The following EXOC6 variants were observed in gnomAD, a reference collection of about 807,000 sequenced individuals.
EXOC6 encodes SEC15-like 1.
A neutral mutation model predicts 112.5 loss-of-function variants in EXOC6; 60 were observed. The ratio of observed to expected loss-of-function variants is 0.53; its 90% CI spans 0.43 to 0.66. The LOEUF (loss-of-function observed/expected upper bound fraction) is 0.66, where lower values mean the gene tolerates loss of function less well. Among genes scored for constraint, EXOC6 ranks in the 30% least tolerant of loss-of-function variants. The pLI, the probability that EXOC6 is intolerant of heterozygous loss-of-function variation, is 0.00. For missense variants in EXOC6, 855 were observed against 957.1 expected (o/e 0.89, Z 1.41); for synonymous variants, 295 against 308.0 (o/e 0.96, Z 0.44).
At chr10:92,910,828 C>T (rs1485137426) in intron 6 of EXOC6, among the ~76,000 whole-genome samples, 1 of 151,900 alleles carries the variant, frequency 6.6e-6, no homozygotes, top group Non-Finnish European at 1.5e-5. Flanking sequence ...ACTCAGAAGG[C>T]TGAGGCAGGA....
chr10:92,887,547 C>G (rs1465074189), intron 1 of EXOC6, among the ~76,000 whole-genome samples: 1 of 151,176 alleles, frequency 6.6e-6, no homozygotes, highest in African/African-American at 2.4e-5. Flanking sequence ...TTACAGGCGC[C>G]CGCCACCACA....
intron 20 of EXOC6, among the ~76,000 whole-genome samples, chr10:93,049,613 G>T (rs932795748): frequency 1.3e-5 from 2 of 152,120 alleles, no homozygotes; most frequent in Admixed American, 6.6e-5. Context: ...TAGAGGCAGG[G>T]TCTTGCTCTG....
chr10:92,950,254 A>G (rs1853323026), intron 14 of EXOC6, among the ~76,000 whole-genome samples: 1 of 152,164 alleles, frequency 6.6e-6, no homozygotes, highest in South Asian at 2.1e-4. Flanking sequence ...ATAATTTTCA[A>G]TTAAAACTAT....
chr10:93,037,112 C>A (rs1023111474), intron 20 of EXOC6, among the ~76,000 whole-genome samples: 5 of 151,574 alleles, frequency 3.3e-5, no homozygotes, highest in Admixed American at 3.3e-4. Flanking sequence ...AAAATTAATT[C>A]ACATTTTTGC....
chr10:93,050,249 G>A (rs1463820131), intron 20 of EXOC6, among the ~76,000 whole-genome samples: 1 of 152,106 alleles, frequency 6.6e-6, no homozygotes, highest in Non-Finnish European at 1.5e-5. Context: ...ATAATCACTA[G>A]AACTAAAAGA....
intron 8 of EXOC6, among the ~76,000 whole-genome samples, chr10:92,925,451 C>T (rs868039981): frequency 3.9e-5 from 6 of 151,982 alleles, no homozygotes; most frequent in African/African-American, 1.5e-4. Context: ...TGTGCTACCA[C>T]ATATGGCTAA....
At chr10:92,898,145 A>G (rs1772064673) in intron 4 of EXOC6, among the ~76,000 whole-genome samples, 1 of 151,998 alleles carries the variant, frequency 6.6e-6, no homozygotes, top group Admixed American at 6.6e-5. Context: ...TAGCTTGGGC[A>G]TGGTGACTCA....
chr10:92,976,406 G>C (rs1341408873), intron 18 of EXOC6, among the ~76,000 whole-genome samples: 3 of 152,048 alleles, frequency 2.0e-5, no homozygotes, highest in African/African-American at 7.3e-5. Flanking sequence ...TGTCCACTCA[G>C]GGTTGAATGG....
rs1394988114 is a variant in EXOC6, at chr10:92,909,631, G to A, written c.663G>A (p.Gln221=). ...AAATAGGTGAAACAGCAATGAAACA[G>A]GTGAGATTAAAAATAATTTTGATTT... ...SDKIGETAMK[Q]AQHQKTFSVS... is the part of the protein sequence containing the mutation. Residue 221 remains glutamine (Q), a splice_region_variant and synonymous_variant, in exon 6 of 22, where the codon CAG becomes CAA. Transcript: ENST00000260762. The A allele has an allele frequency of 3.2e-6, 5 of 1,575,358 alleles. No individual in the cohort carries two copies. Among genetic ancestry groups the A allele is most frequent in the African/African-American group, 1.4e-5 (1 of 73,602 alleles).
At chr10:92,959,185 C>T (rs1853854643) in intron 17 of EXOC6, among the ~76,000 whole-genome samples, 1 of 152,094 alleles carries the variant, frequency 6.6e-6, no homozygotes, top group Non-Finnish European at 1.5e-5. Flanking sequence ...TTAAAGACCC[C>T]AGAAATAGAC....
In EXOC6 at chr10:92,999,240, T is replaced by A. The variant is rs768779919; in HGVS notation, c.2095+1625T>A. ...TTTTACAAGTTTTTTTTTTTTTTTT[T>A]AAATTACAGATGAGGTGTTGCTGTG... On this transcript the variant is annotated intron_variant, in intron 19 of 21. Transcript: ENST00000260762. 6.2e-4 allele frequency: 249 copies of A among 403,486 alleles called. 1 individual carries two copies. Among genetic ancestry groups the A allele is most frequent in the African/African-American group, 4.2e-3 (191 of 45,538 alleles). The allele number at this position is 403,486 out of a possible 1,614,324, so 25.0% of individuals were successfully genotyped here. A position where few individuals can be genotyped will look rare whatever the true frequency, so the allele number is the denominator to read the frequency against.
At chr10:92,827,336 T>C (rs1172404979) in intron 1 of EXOC6, among the ~76,000 whole-genome samples, 1 of 151,480 alleles carries the variant, frequency 6.6e-6, no homozygotes, top group African/African-American at 2.4e-5. Flanking sequence ...TAGCCAGGCA[T>C]GGTGGCATAT....
At chr10:92,875,040 C>A (rs1040146187) in intron 1 of EXOC6, among the ~76,000 whole-genome samples, 2 of 151,844 alleles carry the variant, frequency 1.3e-5, no homozygotes, top group African/African-American at 2.4e-5. Flanking sequence ...GGTATTATAG[C>A]TGTGTTTGTG....
intron 19 of EXOC6, chr10:92,999,109 T>C (rs1843634048): frequency 9.2e-6 from 3 of 325,334 alleles, no homozygotes; most frequent in Non-Finnish European, 1.7e-5. Flanking sequence ...TGGCCTCAAG[T>C]GATCTGCCCA....
At position 92,992,867 on chromosome 10, in the gene EXOC6, A is replaced by T. The variant is rs1329160933; in HGVS notation, c.1954-4607A>T. 5.9e-5 allele frequency among the ~76,000 whole-genome samples: 9 copies of T among 151,748 alleles called. 1 individual carries two copies. On this transcript the variant is annotated intron_variant, in intron 18 of 21. Transcript: ENST00000260762. ...CAATTTATAACCTTTTAAAATACACATACTGAAATGAAATTAAATTCATTA... is the reference window on the plus strand; with the variant it reads ...CAATTTATAACCTTTTAAAATACACTTACTGAAATGAAATTAAATTCATTA...
intron 1 of EXOC6, chr10:92,834,898 T>C (rs1301640377): frequency 1.2e-6 from 1 of 816,332 alleles, no homozygotes; most frequent in Non-Finnish European, 2.0e-6. Flanking sequence ...TTTTTATAAT[T>C]CTTTATAAGA....
intron 1 of EXOC6, among the ~76,000 whole-genome samples, chr10:92,851,806 CAT>C (rs1847359688): frequency 6.6e-6 from 1 of 152,038 alleles, no homozygotes; most frequent in African/African-American, 2.4e-5. Flanking sequence ...TGCAGTGGCT[CAT>C]GCCTGTAATC....
At chr10:92,866,591 T>C (rs911175659) in intron 1 of EXOC6, among the ~76,000 whole-genome samples, 3 of 152,176 alleles carry the variant, frequency 2.0e-5, no homozygotes, top group African/African-American at 7.2e-5. Flanking sequence ...ATTAAAAGTT[T>C]GTCAGAATAA....
intron 1 of EXOC6, among the ~76,000 whole-genome samples, chr10:92,886,363 C>G (rs1169352396): frequency 6.6e-6 from 1 of 152,232 alleles, no homozygotes; most frequent in African/African-American, 2.4e-5. Context: ...TAATTTAAAA[C>G]TGCGTAACTA....
Sources: allele counts gnomAD v4.1 joint callset (sites outside exome capture counted in the v4.1 genomes callset), GRCh38; gene constraint gnomAD v4.1.1; transcripts MANE v1.5; gene names NCBI Gene and HGNC (gene_info 2026-07-23, HGNC 2026-07-21).